ARHGAP15: variants seen among roughly 807,000 people sequenced by gnomAD.
ARHGAP15 encodes Rho GTPase activating protein 15.
In ARHGAP15, 51 loss-of-function variants were observed where a neutral mutation model predicts 63.7. That is an observed-to-expected ratio of 0.80 (90% CI 0.64 to 1.01). The LOEUF (loss-of-function observed/expected upper bound fraction) is 1.01. ARHGAP15 is among the 50% of genes least tolerant of loss of function. The pLI, the probability that ARHGAP15 is intolerant of heterozygous loss-of-function variation, is 0.00. For missense variants in ARHGAP15, 560 were observed against 564.6 expected, an observed-to-expected ratio of 0.99 and a Z score of 0.08; for synonymous variants, 191 against 193.8, an observed-to-expected ratio of 0.99 and a Z score of 0.12.
intron 5 of ARHGAP15, among the ~76,000 whole-genome samples, chr2:143,233,319 G>GA (rs1197797734): frequency 1.3e-5 from 2 of 151,480 alleles, no homozygotes; most frequent in Admixed American, 6.6e-5. Context: ...CTGCTTACTT[G>GA]AAAAAAATCT....
intron 6 of ARHGAP15, among the ~76,000 whole-genome samples, chr2:143,349,225 G>A (rs1685448341): frequency 6.6e-6 from 1 of 152,168 alleles, no homozygotes; most frequent in Non-Finnish European, 1.5e-5. Context: ...TCTGAACTTG[G>A]AAATTTAGAT....
rs1258642741 is a variant in ARHGAP15, at chr2:143,493,153, C to T, written c.826+5658C>T. Among the ~76,000 whole-genome samples, 3 of 152,154 alleles carry T rather than the reference C, an allele frequency of 2.0e-5. No homozygotes were observed. In the East Asian group the frequency reaches 5.8e-4, roughly 29 times the overall value. On this transcript the variant is annotated intron_variant, in intron 9 of 13. Transcript: ENST00000295095. ...GTTTACTGTAGCACCACATAGACTT[C>T]CTTTCCTGTACTTATAATATCACAA...
At chr2:143,734,186 A>G (rs1173418030) in intron 13 of ARHGAP15, among the ~76,000 whole-genome samples, 1 of 152,166 alleles carries the variant, frequency 6.6e-6, no homozygotes, top group Middle Eastern at 3.2e-3. Flanking sequence ...CAGGGGCAGC[A>G]GCAAAGGGTG....
intron 6 of ARHGAP15, among the ~76,000 whole-genome samples, chr2:143,289,418 A>C (rs1451396788): frequency 6.6e-6 from 1 of 152,212 alleles, no homozygotes; most frequent in Non-Finnish European, 1.5e-5. Flanking sequence ...TGAAGGATGT[A>C]AAAGGTTTAG....
At chr2:143,678,277 C>T (rs544099358) in intron 12 of ARHGAP15, among the ~76,000 whole-genome samples, 3 of 152,288 alleles carry the variant, frequency 2.0e-5, no homozygotes, top group East Asian at 3.9e-4. Context: ...TCTATTTACA[C>T]TTTGAAACCC....
intron 12 of ARHGAP15, among the ~76,000 whole-genome samples, chr2:143,624,795 G>T (rs1278025212): frequency 1.3e-5 from 2 of 152,184 alleles, no homozygotes; most frequent in Non-Finnish European, 2.9e-5. Context: ...ATTATCAAAT[G>T]AAGTAATGGC....
At chr2:143,456,267 A>G (rs530519236) in intron 8 of ARHGAP15, among the ~76,000 whole-genome samples, 2 of 152,164 alleles carry the variant, frequency 1.3e-5, no homozygotes, top group Non-Finnish European at 2.9e-5. Flanking sequence ...TAGACCAAAT[A>G]TAACAGTCCA....
intron 6 of ARHGAP15, among the ~76,000 whole-genome samples, chr2:143,268,669 T>C (rs1479568964): frequency 6.6e-6 from 1 of 152,174 alleles, no homozygotes; most frequent in Admixed American, 6.5e-5. Context: ...GAGTTGTTAG[T>C]AATATTTTTG....
intron 6 of ARHGAP15, among the ~76,000 whole-genome samples, chr2:143,330,135 A>AAAAAAAAAAAAAAAAT (rs1684476748): frequency 7.6e-6 from 1 of 131,778 alleles, no homozygotes; most frequent in Non-Finnish European, 1.6e-5. Context: ...AAAAAAACCA[A>AAAAAAAAAAAAAAAAT]AAACAAAAAA....
chr2:143,310,838 G>T (rs1165952321), intron 6 of ARHGAP15, among the ~76,000 whole-genome samples: 1 of 151,862 alleles, frequency 6.6e-6, no homozygotes, highest in African/African-American at 2.4e-5. Flanking sequence ...TATTGTATAG[G>T]TTTATATGAA....
At chr2:143,526,575 C>A (rs1446484396) in intron 10 of ARHGAP15, among the ~76,000 whole-genome samples, 1 of 152,160 alleles carries the variant, frequency 6.6e-6, no homozygotes, top group Non-Finnish European at 1.5e-5. Context: ...GTGTCATTTA[C>A]ACAGTGGGAG....
intron 6 of ARHGAP15, among the ~76,000 whole-genome samples, chr2:143,257,364 TAAAAC>T (rs889107725): frequency 1.3e-5 from 2 of 152,216 alleles, no homozygotes; most frequent in African/African-American, 4.8e-5. Context: ...CAAAATAACA[TAAAAC>T]AAAAGAAAAA....
intron 6 of ARHGAP15, among the ~76,000 whole-genome samples, chr2:143,337,656 T>C (rs1684867951): frequency 6.6e-6 from 1 of 152,198 alleles, no homozygotes; most frequent in Non-Finnish European, 1.5e-5. Context: ...TTTTAGGTTT[T>C]CGTACTTTTG....
intron 10 of ARHGAP15, among the ~76,000 whole-genome samples, chr2:143,530,507 A>G (rs1019363670): frequency 1.3e-5 from 2 of 152,216 alleles, no homozygotes; most frequent in African/African-American, 2.4e-5. Flanking sequence ...GACCAGTGTC[A>G]TAAGAATAGC....
At chr2:143,738,449 A>G (rs953235410) in intron 13 of ARHGAP15, among the ~76,000 whole-genome samples, 5 of 152,148 alleles carry the variant, frequency 3.3e-5, no homozygotes, top group African/African-American at 1.2e-4. Context: ...GCAGATACCA[A>G]TATTGTATAG....
At chr2:143,195,353 G>A (rs1181340168) in intron 2 of ARHGAP15, among the ~76,000 whole-genome samples, 2 of 152,028 alleles carry the variant, frequency 1.3e-5, no homozygotes, top group South Asian at 2.1e-4. Context: ...CAGAAAAATT[G>A]CATCTTTCTT....
At chr2:143,634,814 CCCAACCCCACTTGGATAAT>C (rs1400760561) in intron 12 of ARHGAP15, among the ~76,000 whole-genome samples, 19 of 152,104 alleles carry the variant, frequency 1.2e-4, no homozygotes, top group African/African-American at 4.6e-4. Context: ...TGTTCTCAAG[CCCAACCCCACTTGGATAAT>C]CCAAAGCCTA....
chr2:143,765,117 G>A (rs1686904918), intron 13 of ARHGAP15, among the ~76,000 whole-genome samples: 1 of 112,340 alleles, frequency 8.9e-6, no homozygotes, highest in Admixed American at 1.0e-4. Flanking sequence ...ATATGTGTGT[G>A]TGTGTGTGTG....
chr2:143,362,055 G>T (rs182258703), intron 6 of ARHGAP15, among the ~76,000 whole-genome samples: 41 of 152,220 alleles, frequency 2.7e-4, no homozygotes, highest in African/African-American at 9.9e-4. Context: ...TGGTTTTCCA[G>T]ATTTCTTTTT....
Sources: allele counts gnomAD v4.1 joint callset (sites outside exome capture counted in the v4.1 genomes callset), GRCh38; gene constraint gnomAD v4.1.1; transcripts MANE v1.5; gene names NCBI Gene and HGNC (gene_info 2026-07-23, HGNC 2026-07-21).